The following UPRT variants were observed in gnomAD, a reference collection of about 807,000 sequenced individuals.
The protein encoded by UPRT is RP11-311P8.3.
In UPRT, 5 loss-of-function variants were observed where a neutral mutation model predicts 22.6. The ratio of observed to expected loss-of-function variants is 0.22; its 90% CI spans 0.12 to 0.47. UPRT has a LOEUF of 0.47. Ranked by LOEUF, UPRT falls within the 20% of genes least tolerant of loss-of-function variation. The probability of loss-of-function intolerance (pLI) is 0.99; values close to 1 mark genes in which losing one functional copy is unlikely to be tolerated. For synonymous variants in UPRT, 77 were observed against 87.7 expected (o/e 0.88, Z 0.68); for missense variants, 181 against 239.9 (o/e 0.75, Z 1.62).
At chrX:75,171,646 A>T (rs2082227830) in intron 4 of UPRT, among the ~76,000 whole-genome samples, 1 of 30,226 alleles carries the variant, frequency 3.3e-5, no homozygotes, top group African/African-American at 6.1e-5. Flanking sequence ...GTGTTAAAGA[A>T]GGTTGTTTTT....
intron 4 of UPRT, among the ~76,000 whole-genome samples, chrX:75,178,882 C>A (rs758050208): frequency 9.0e-6 from 1 of 111,664 alleles, no homozygotes; most frequent in Non-Finnish European, 1.9e-5. Context: ...TGCTGGCTAG[C>A]GCAGCCTGCT....
At chrX:75,168,712 G>A (rs978510846) in intron 4 of UPRT, among the ~76,000 whole-genome samples, 2 of 110,406 alleles carry the variant, frequency 1.8e-5, no homozygotes, top group African/African-American at 6.6e-5. Flanking sequence ...TATTTTTAGC[G>A]GAGACTGGGT....
chrX:75,278,425 C>T (rs181418808), intron 1 of UPRT, among the ~76,000 whole-genome samples: 1 of 112,079 alleles, frequency 8.9e-6, no homozygotes, highest in Non-Finnish European at 1.9e-5. Flanking sequence ...CTCAGCCATA[C>T]GTATGTGGGT....
At chrX:75,295,283 T>G (rs1034841355) in intron 2 of UPRT, among the ~76,000 whole-genome samples, 14 of 111,029 alleles carry the variant, frequency 1.3e-4, no homozygotes, top group African/African-American at 3.6e-4. Flanking sequence ...CACACTAATT[T>G]CTGTCCCAGT....
In UPRT at chrX:75,180,681, G is replaced by GTTTTTTTTTTTTGTTTTTTTTTTTTTT. The variant is rs2082266200; in HGVS notation, c.-447+12814_-447+12815insGTTTTTTTTTTTTTTTTTTTTTTTTTT. ...GTCTTCCATCTTCCCCCTTTTCTCT[G>GTTTTTTTTTTTTGTTTTTTTTTTTTTT]TTTTTTTTTTTTTGTTTTTTTTTTT... On this transcript the variant is annotated intron_variant, in intron 4 of 13. Coordinates refer to the UPRT transcript ENST00000652605. Among the ~76,000 whole-genome samples, 49 of 43,896 alleles carry GTTTTTTTTTTTTGTTTTTTTTTTTTTT rather than the reference G, an allele frequency of 1.1e-3. 5 individuals carry two copies. The highest frequency in any genetic ancestry group is 2.6e-3 in the East Asian group (3 of 1,153). 38.1% of individuals were successfully genotyped at this position (43,896 alleles called of 115,157 possible). A position where few individuals can be genotyped will look rare whatever the true frequency, so the allele number is the denominator to read the frequency against.
intron 2 of UPRT, among the ~76,000 whole-genome samples, chrX:75,161,019 A>G (rs1238612622): frequency 1.8e-5 from 2 of 112,706 alleles, no homozygotes; most frequent in East Asian, 5.5e-4. Context: ...AAACACATAC[A>G]CACATGTTTA....
At chrX:75,272,205 G>A (rs1307083673), upstream of UPRT, among the ~76,000 whole-genome samples, 1 of 105,432 alleles carries the variant, frequency 9.5e-6, no homozygotes, top group African/African-American at 3.5e-5. Context: ...AGCATAATTC[G>A]CAATTGCAAA....
At chrX:75,254,038 A>G (rs1228338684) in intron 4 of UPRT, among the ~76,000 whole-genome samples, 2 of 111,398 alleles carry the variant, frequency 1.8e-5, no homozygotes, top group Non-Finnish European at 3.8e-5. Context: ...CTTTGTAACA[A>G]CTTGAACTCA....
intron 6 of UPRT, 188 bp downstream of exon 6, chrX:75,301,153 G>A: frequency 3.0e-6 from 1 of 328,035 alleles, no homozygotes; most frequent in East Asian, 4.9e-5. Context: ...CCATTCTAAT[G>A]TTCAAATGCA....
chrX:75,178,813 G>A (rs989006956), intron 4 of UPRT, among the ~76,000 whole-genome samples: 3 of 111,188 alleles, frequency 2.7e-5, no homozygotes, highest in African/African-American at 9.8e-5. Context: ...AAGATTTATT[G>A]TAAAGAGTGA....
chrX:75,230,160 C>G (rs926794564), intron 4 of UPRT, among the ~76,000 whole-genome samples: 2 of 111,404 alleles, frequency 1.8e-5, no homozygotes, highest in Non-Finnish European at 3.8e-5. Context: ...TTCCTGGTGA[C>G]CTGTATGACA....
intron 4 of UPRT, among the ~76,000 whole-genome samples, chrX:75,220,337 A>G (rs1167139285): frequency 1.8e-5 from 2 of 110,954 alleles, no homozygotes; most frequent in Non-Finnish European, 3.8e-5. Flanking sequence ...AGATCAATGC[A>G]TCTTGATTTT....
intron 4 of UPRT, among the ~76,000 whole-genome samples, chrX:75,236,546 C>T (rs2082465047): frequency 8.9e-6 from 1 of 111,802 alleles, no homozygotes; most frequent in Non-Finnish European, 1.9e-5. Context: ...TGACTTCAAA[C>T]TATACTACAA....
intron 4 of UPRT, among the ~76,000 whole-genome samples, chrX:75,264,619 C>G (rs148987238): frequency 2.6e-3 from 281 of 109,033 alleles, no homozygotes; most frequent in Non-Finnish European, 4.6e-3. Context: ...TTGTGTGTCA[C>G]TGATGGGTCT....
At chrX:75,255,476 A>T (rs909139032) in intron 4 of UPRT, among the ~76,000 whole-genome samples, 7 of 111,737 alleles carry the variant, frequency 6.3e-5, no homozygotes, top group African/African-American at 2.3e-4. Flanking sequence ...TATAGGCAAC[A>T]GATAGCACAA....
intron 4 of UPRT, among the ~76,000 whole-genome samples, chrX:75,239,230 A>G (rs1333826125): frequency 1.8e-5 from 2 of 111,840 alleles, no homozygotes; most frequent in Non-Finnish European, 3.8e-5. Context: ...ACCAGAAAAA[A>G]AGGAAGAAGA....
At chrX:75,171,115 G>C (rs1020576316) in intron 4 of UPRT, among the ~76,000 whole-genome samples, 2 of 111,065 alleles carry the variant, frequency 1.8e-5, no homozygotes, top group African/African-American at 6.5e-5. Context: ...TGAACATCTA[G>C]GTCTCCAGCA....
intron 4 of UPRT, among the ~76,000 whole-genome samples, chrX:75,251,216 A>C (rs1336965774): frequency 9.0e-6 from 1 of 111,540 alleles, no homozygotes; most frequent in Non-Finnish European, 1.9e-5. Flanking sequence ...GGCCAGGGCA[A>C]TCAGGCAGGA....
chrX:75,161,827 T>TATAGTGTCAATACCACCTGTATAGTG (rs2082200681), intron 2 of UPRT, among the ~76,000 whole-genome samples: 1 of 111,988 alleles, frequency 8.9e-6, no homozygotes, highest in Non-Finnish European at 1.9e-5. Context: ...ATGCTGCCTT[T>TATAGTGTCAATACCACCTGTATAGTG]TCTTGTATGT....
Sources: allele counts gnomAD v4.1 joint callset (sites outside exome capture counted in the v4.1 genomes callset), GRCh38; gene constraint gnomAD v4.1.1; transcripts MANE v1.5; gene names NCBI Gene and HGNC (gene_info 2026-07-23, HGNC 2026-07-21).